Variants in RASEF observed in about 807,000 individuals in gnomAD.
RASEF encodes the protein RAS and EF-hand domain containing.
In RASEF, 68 loss-of-function variants were observed where a neutral mutation model predicts 90.1. That is an observed-to-expected ratio of 0.75 (90% CI 0.62 to 0.92). The LOEUF (loss-of-function observed/expected upper bound fraction) is 0.92. Among genes scored for constraint, RASEF ranks in the 40% least tolerant of loss-of-function variants. The pLI is 0.00. For synonymous variants in RASEF, 331 were observed against 345.2 expected, an observed-to-expected ratio of 0.96 and a Z score of 0.46; for missense variants, 949 against 937.2, an observed-to-expected ratio of 1.01 and a Z score of -0.16.
At chr9:83,097,394 T>G in the RASEF span, among the ~76,000 whole-genome samples, 1 of 152,126 alleles carries the variant, frequency 6.6e-6, no homozygotes, top group Non-Finnish European at 1.5e-5. Context: ...GCAGCCAAAA[T>G]TGACAAATGG....
chr9:83,004,701 C>T (rs1333481892), intron 8 of RASEF, 115 bp from the exon 9 acceptor site: 2 of 634,596 alleles, frequency 3.2e-6, no homozygotes, highest in Non-Finnish European at 5.5e-6. Context: ...ACTCAAACTT[C>T]TAATGTAACT....
the RASEF span, among the ~76,000 whole-genome samples, chr9:83,099,654 T>A: frequency 6.6e-6 from 1 of 152,232 alleles, no homozygotes; most frequent in African/African-American, 2.4e-5. Context: ...GAGATGGTCT[T>A]GATGACCTGG....
At chr9:83,024,257 A>T (rs1028627327) in intron 2 of RASEF, among the ~76,000 whole-genome samples, 1 of 152,204 alleles carries the variant, frequency 6.6e-6, no homozygotes, top group Non-Finnish European at 1.5e-5. Flanking sequence ...AACACAGCTC[A>T]AATTAATATG....
the RASEF span, among the ~76,000 whole-genome samples, chr9:83,128,615 G>A: frequency 6.6e-6 from 1 of 152,124 alleles, no homozygotes; most frequent in African/African-American, 2.4e-5. Context: ...ACTGAGAACT[G>A]TTCCATCACT....
the RASEF span, among the ~76,000 whole-genome samples, chr9:83,132,365 C>T: frequency 6.6e-6 from 1 of 152,226 alleles, no homozygotes; most frequent in Admixed American, 6.5e-5. Context: ...AGCAAGTCTC[C>T]AGTGGTTTTT....
chr9:83,122,399 C>T, the RASEF span, among the ~76,000 whole-genome samples: 5 of 152,276 alleles, frequency 3.3e-5, no homozygotes, highest in South Asian at 4.1e-4. Context: ...GAGAAATCAC[C>T]ATAGAAGCCA....
At chr9:83,141,778 T>C in the RASEF span, among the ~76,000 whole-genome samples, 2 of 152,148 alleles carry the variant, frequency 1.3e-5, no homozygotes, top group Non-Finnish European at 2.9e-5. Flanking sequence ...GGTCAATAAT[T>C]AGACTTGCCC....
intron 1 of RASEF, among the ~76,000 whole-genome samples, chr9:83,037,135 T>A (rs1339951441): frequency 1.3e-5 from 2 of 152,192 alleles, no homozygotes; most frequent in Non-Finnish European, 2.9e-5. Flanking sequence ...GAAACATGAC[T>A]TTTTTCTTAG....
At chr9:83,193,651 C>T in the RASEF span, among the ~76,000 whole-genome samples, 1 of 152,130 alleles carries the variant, frequency 6.6e-6, no homozygotes, top group Admixed American at 6.5e-5. Flanking sequence ...ATATTAATAT[C>T]TAAATACATG....
At chr9:83,140,848 A>G in the RASEF span, among the ~76,000 whole-genome samples, 1 of 152,148 alleles carries the variant, frequency 6.6e-6, no homozygotes, top group Admixed American at 6.5e-5. Context: ...ACTGAGGTGC[A>G]AGGCTGTTAT....
chr9:83,110,405 T>G, the RASEF span, among the ~76,000 whole-genome samples: 2 of 152,114 alleles, frequency 1.3e-5, no homozygotes, highest in African/African-American at 4.8e-5. Flanking sequence ...TCCCAATTCT[T>G]CAACCTCCAC....
chr9:83,037,743 TA>T (rs1381917369), intron 1 of RASEF, among the ~76,000 whole-genome samples: 4 of 103,428 alleles, frequency 3.9e-5, no homozygotes, highest in African/African-American at 8.6e-5. Context: ...GTAAATGTCC[TA>T]TTTTTTTTTT....
chr9:83,131,348 G>T, the RASEF span, among the ~76,000 whole-genome samples: 2 of 152,180 alleles, frequency 1.3e-5, no homozygotes, highest in Admixed American at 1.3e-4. Context: ...AAGAGGAGGG[G>T]TATTGTTGGA....
chr9:83,003,150 CTTT>C (rs1240357077), intron 9 of RASEF, among the ~76,000 whole-genome samples: 1 of 152,040 alleles, frequency 6.6e-6, no homozygotes, highest in Non-Finnish European at 1.5e-5. Flanking sequence ...GTACAACATG[CTTT>C]TATTACATTT....
chr9:83,004,972 A>G (rs1829102326), intron 8 of RASEF, among the ~76,000 whole-genome samples: 1 of 152,208 alleles, frequency 6.6e-6, no homozygotes, highest in Non-Finnish European at 1.5e-5. Context: ...AATCTTACAC[A>G]TGAAGCTGAC....
At chr9:83,055,250 C>G (rs1263913729) in intron 1 of RASEF, 1 of 308,310 alleles carries the variant, frequency 3.2e-6, no homozygotes, top group African/African-American at 2.3e-5. Flanking sequence ...TCTTGTGGTG[C>G]GCCGTTTCTT....
the RASEF span, among the ~76,000 whole-genome samples, chr9:83,107,916 T>C: frequency 3.3e-5 from 5 of 152,172 alleles, no homozygotes; most frequent in Non-Finnish European, 4.4e-5. Context: ...TAAAAATCTA[T>C]CTGTTGAAAA....
At chr9:83,151,067 T>C in the RASEF span, among the ~76,000 whole-genome samples, 1 of 152,014 alleles carries the variant, frequency 6.6e-6, no homozygotes, top group Non-Finnish European at 1.5e-5. Context: ...CAATAGCAAC[T>C]GCAGTAATTA....
At chr9:83,145,325 C>G in the RASEF span, among the ~76,000 whole-genome samples, 3 of 152,094 alleles carry the variant, frequency 2.0e-5, no homozygotes, top group South Asian at 6.2e-4. Context: ...GATCCCCCAT[C>G]CAGGGTTACT....
Sources: allele counts gnomAD v4.1 joint callset (sites outside exome capture counted in the v4.1 genomes callset), GRCh38; gene constraint gnomAD v4.1.1; transcripts MANE v1.5; gene names NCBI Gene and HGNC (gene_info 2026-07-23, HGNC 2026-07-21).